Variants in XRN2 observed in about 807,000 individuals in gnomAD.
XRN2 encodes 5'-3' exoribonuclease 2.
A neutral mutation model predicts 138.5 loss-of-function variants in XRN2; 44 were observed. That is an observed-to-expected ratio of 0.32 (90% CI 0.25 to 0.41). The LOEUF is 0.41. Ranked by LOEUF, XRN2 falls within the 10% of genes least tolerant of loss-of-function variation. The pLI is 1.00. For synonymous variants in XRN2, 354 were observed against 369.4 expected (o/e 0.96, Z 0.48); for missense variants, 937 against 1,169.3 (o/e 0.80, Z 2.90).
chr20:21,354,649 T>C lies in XRN2; in HGVS notation c.1937-140T>C, dbSNP rs2038554255. Reference sequence around the variant, plus strand: ...TATTAGCATCTGAGTTTTGGCTTAATGAGACAATAAGAGTTCAGTTCCAAA... The same window carrying C: ...TATTAGCATCTGAGTTTTGGCTTAACGAGACAATAAGAGTTCAGTTCCAAA... On this transcript the variant is annotated intron_variant, in intron 20 of 29. Transcript: ENST00000377191. 11 of 662,920 alleles carry C rather than the reference T, an allele frequency of 1.7e-5. No individual in the cohort carries two copies. In the South Asian group the frequency reaches 2.4e-4, roughly 14 times the overall value. The allele number at this position is 662,920 out of a possible 1,614,324, so 41.1% of individuals were successfully genotyped here.
At chr20:21,331,906 AC>A (rs750263412) in intron 8 of XRN2, 88 bp downstream of exon 8, 20 of 1,438,270 alleles carry the variant, frequency 1.4e-5, no homozygotes, top group Non-Finnish European at 1.9e-5. Context: ...ATTCATGGTT[AC>A]CTGGAAGTTC....
At chr20:21,336,133 C>T (rs2038287625) in intron 13 of XRN2, among the ~76,000 whole-genome samples, 1 of 152,226 alleles carries the variant, frequency 6.6e-6, no homozygotes, top group South Asian at 2.1e-4. Context: ...TTTAACAGAC[C>T]AGCAGAACAA....
chr20:21,310,367 G>A (rs1176415399), intron 1 of XRN2, among the ~76,000 whole-genome samples: 7 of 152,114 alleles, frequency 4.6e-5, no homozygotes, highest in Admixed American at 3.9e-4. Flanking sequence ...TGTTTTATGT[G>A]TATTTGAAAA....
intron 24 of XRN2, among the ~76,000 whole-genome samples, chr20:21,363,282 C>T (rs371530410): frequency 9.2e-5 from 14 of 152,014 alleles, no homozygotes; most frequent in East Asian, 5.8e-4. Context: ...GCATAACCTC[C>T]CTCCCACCGT....
At chr20:21,384,728 A>T (rs766327658) in intron 28 of XRN2, among the ~76,000 whole-genome samples, 11 of 152,170 alleles carry the variant, frequency 7.2e-5, no homozygotes, top group Non-Finnish European at 1.5e-4. Flanking sequence ...CCTGGGCTGA[A>T]GTGATCTGCC....
chr20:21,329,858 TGTG>T (rs2038179844), intron 4 of XRN2, among the ~76,000 whole-genome samples: 1 of 9,166 alleles, frequency 1.1e-4, no homozygotes, highest in Non-Finnish European at 2.4e-4. Flanking sequence ...CTCTAACTGG[TGTG>T]TGTGTGTGTG....
chr20:21,368,505 T>C lies in XRN2; in HGVS notation c.2499T>C (p.Asn833=), dbSNP rs1465054067. The C allele has an allele frequency of 5.0e-6, 8 of 1,614,078 alleles. No homozygotes were observed. Among genetic ancestry groups the C allele is most frequent in the African/African-American group, 1.3e-5 (1 of 75,040 alleles). Residue 833 remains asparagine, a synonymous_variant, in exon 27 of 30, where the codon AAT becomes AAC. Transcript: ENST00000377191. ...GCTCAGGAACTGGCATTTACAGCAATGCTGCACCACCACCTGTGACTTACC... is the reference window on the plus strand; with the variant it reads ...GCTCAGGAACTGGCATTTACAGCAACGCTGCACCACCACCTGTGACTTACC... The part of the protein sequence containing the change: ...PRGSGTGIYS[N]AAPPPVTYQG...
At chr20:21,305,549 T>TG in intron 1 of XRN2, among the ~76,000 whole-genome samples, 4 of 49,012 alleles carry the variant, frequency 8.2e-5, no homozygotes, top group African/African-American at 2.1e-4. Flanking sequence ...CCACCATACG[T>TG]GGCCTTTTTT....
rs372240037 is a variant in XRN2, at chr20:21,332,319, C to T, written c.737C>T (p.Pro246Leu). Residue 246 changes from proline to leucine, a missense_variant, in exon 9 of 30, where the codon CCG (proline) becomes CTG (leucine). Physicochemically the swap from Pro to Leu is moderately conservative, Grantham distance 98. Around this residue, in one of 6 missense-constraint regions of XRN2, gnomAD observed 471 missense variants for 581.2 expected, o/e 0.81. Coordinates refer to ENST00000377191, the MANE Select transcript of XRN2 (RefSeq NM_012255.5). ...LIMLGLATHE[P>L]NFTIIREEFK... ...ATGCTTGGCCTTGCCACACATGAAC[C>T]GAACTTTACCATTATTAGAGAAGAA... is the stretch of plus-strand genomic sequence containing the variant. The T allele has an allele frequency of 1.6e-5, 26 of 1,613,274 alleles. No homozygotes were observed. Among genetic ancestry groups the T allele is most frequent in the East Asian group, 8.9e-5 (4 of 44,868 alleles).
In XRN2 at chr20:21,373,275, C is replaced by T. The variant is rs527559471; in HGVS notation, c.2584+4685C>T. Among the ~76,000 whole-genome samples, 177 of 152,212 alleles carry T rather than the reference C, an allele frequency of 1.2e-3. 1 individual carries two copies. The highest frequency in any genetic ancestry group is 3.8e-3 in the African/African-American group (156 of 41,528). ...TGCCCGCCTCGTTCTCACAAAGCGCCGCGATTACAGGCATGAGCCACCGCG... is the reference window on the plus strand; with the variant it reads ...TGCCCGCCTCGTTCTCACAAAGCGCTGCGATTACAGGCATGAGCCACCGCG... On this transcript the variant is annotated intron_variant, in intron 27 of 29. Transcript: ENST00000377191.
At chr20:21,357,470 G>T (rs1275463301) in intron 23 of XRN2, among the ~76,000 whole-genome samples, 1 of 152,132 alleles carries the variant, frequency 6.6e-6, no homozygotes, top group Non-Finnish European at 1.5e-5. Flanking sequence ...TGTCAGTCTG[G>T]TGGATGCTCA....
At chr20:21,374,365 A>G (rs578171738) in intron 27 of XRN2, among the ~76,000 whole-genome samples, 175 of 152,242 alleles carry the variant, frequency 1.1e-3, no homozygotes, top group African/African-American at 4.1e-3. Flanking sequence ...AATTAATAGA[A>G]GTGATGATGG....
chr20:21,308,252 G>A (rs2037830644), intron 1 of XRN2, among the ~76,000 whole-genome samples: 1 of 152,168 alleles, frequency 6.6e-6, no homozygotes, highest in Non-Finnish European at 1.5e-5. Context: ...TTATTCAGAT[G>A]ATTGATGAAC....
chr20:21,365,412 C>G lies in XRN2; in HGVS notation c.2256-9C>G. 3.7e-6 allele frequency: 6 copies of G among 1,611,372 alleles called. No individual in the cohort carries two copies. The highest frequency in any genetic ancestry group is 5.1e-6 in the Non-Finnish European group (6 of 1,178,958). ...TCAGATCATTGAATTGTTTCTTGTT[C>G]TTTTCCAGTATTAATTTTAAAGACC... On this transcript the variant is annotated splice_polypyrimidine_tract_variant and intron_variant, in intron 24 of 29. Transcript: ENST00000377191.
intron 14 of XRN2, 85 bp downstream of exon 14, chr20:21,339,173 C>G: frequency 1.4e-6 from 2 of 1,388,054 alleles, no homozygotes; most frequent in Non-Finnish European, 2.0e-6. Flanking sequence ...AGCTTTATTC[C>G]TTGTCCAGTA....
At chr20:21,338,536 C>T (rs925417038) in intron 13 of XRN2, among the ~76,000 whole-genome samples, 1 of 152,150 alleles carries the variant, frequency 6.6e-6, no homozygotes, top group African/African-American at 2.4e-5. Flanking sequence ...TCCCACTTCT[C>T]TCTTTTCTCC....
chr20:21,311,038 A>C (rs2037874104), intron 1 of XRN2, among the ~76,000 whole-genome samples: 1 of 151,950 alleles, frequency 6.6e-6, no homozygotes, highest in Admixed American at 6.6e-5. Flanking sequence ...GGCGTGAGCC[A>C]CTGCGCCTGT....
chr20:21,356,745 A>T, intron 23 of XRN2, 80 bp downstream of exon 23: 1 of 1,188,156 alleles, frequency 8.4e-7, no homozygotes, highest in Non-Finnish European at 1.2e-6. Flanking sequence ...CTAAATGTTT[A>T]TTTTCTAATA....
chr20:21,370,597 A>C (rs139635995), intron 27 of XRN2, among the ~76,000 whole-genome samples: 2,598 of 152,322 alleles, frequency 0.017, 34 homozygotes, highest in Middle Eastern at 0.031. Context: ...CAATATAGCC[A>C]GGGACTGCTT....
Sources: gnomAD v4.1 joint callset for allele counts (sites outside exome capture counted in the v4.1 genomes callset) on GRCh38, gnomAD v4.1.1 for gene constraint, gnomAD v4.1.1 regional missense constraint, MANE v1.5 for transcripts, NCBI Gene and HGNC (gene_info 2026-07-23, HGNC 2026-07-21) for gene names.